The following UBE2H variants were observed in gnomAD, a reference collection of about 807,000 sequenced individuals.
The protein encoded by UBE2H is ubiquitin conjugating enzyme E2 H.
A neutral mutation model predicts 29.0 loss-of-function variants in UBE2H; 3 were observed. The observed-to-expected ratio is 0.10, with a 90% CI of 0.05 to 0.27. The LOEUF is 0.27. Ranked by LOEUF, UBE2H falls within the 10% of genes least tolerant of loss-of-function variation. The probability of loss-of-function intolerance (pLI) is 1.00; values close to 1 mark genes in which losing one functional copy is unlikely to be tolerated. For missense variants in UBE2H, 68 were observed against 228.2 expected (o/e 0.30, Z 4.52); for synonymous variants, 69 against 82.9 (o/e 0.83, Z 0.91).
At chr7:129,932,689 G>T (rs1191894406) in intron 1 of UBE2H, among the ~76,000 whole-genome samples, 1 of 148,532 alleles carries the variant, frequency 6.7e-6, no homozygotes, top group Non-Finnish European at 1.5e-5. Flanking sequence ...CAGAAGAATT[G>T]CCTGAACCCG....
chr7:129,920,560 T>A (rs1807136967), intron 1 of UBE2H, among the ~76,000 whole-genome samples: 1 of 152,048 alleles, frequency 6.6e-6, no homozygotes. Flanking sequence ...AATGTATATT[T>A]ATATAAACAT....
Position 129,952,685 on chromosome 7 carries a change from G to C in UBE2H, c.-130C>G. ...ACACCCCCGCGGTCCCGGCGGTCCC[G>C]TCAGCCGCCGCCGCCGCCCCCCGCA... On this transcript the variant is annotated 5_prime_UTR_variant, in exon 1 of 7. Transcript: ENST00000355621. The C allele has an allele frequency of 9.4e-7, 1 of 1,060,780 alleles. No individual in the cohort carries two copies. Among genetic ancestry groups the C allele is most frequent in the Non-Finnish European group, 1.3e-6 (1 of 797,656 alleles). The allele number at this position is 1,060,780 out of a possible 1,614,324, so 65.7% of individuals were successfully genotyped here. A position where few individuals can be genotyped will look rare whatever the true frequency, so the allele number is the denominator to read the frequency against.
At chr7:129,862,376 T>C (rs1353206342) in intron 3 of UBE2H, among the ~76,000 whole-genome samples, 1 of 152,192 alleles carries the variant, frequency 6.6e-6, no homozygotes, top group East Asian at 1.9e-4. Flanking sequence ...AGTTTTCATT[T>C]AAACTAAAAC....
At chr7:129,927,597 T>C (rs1267422957) in intron 1 of UBE2H, among the ~76,000 whole-genome samples, 2 of 152,186 alleles carry the variant, frequency 1.3e-5, no homozygotes, top group East Asian at 3.9e-4. Flanking sequence ...AAATGTGGTA[T>C]GTAATACACT....
intron 3 of UBE2H, among the ~76,000 whole-genome samples, chr7:129,867,037 T>C (rs1805917864): frequency 6.6e-6 from 1 of 152,236 alleles, no homozygotes; most frequent in East Asian, 1.9e-4. Context: ...ATTTACCCTA[T>C]GTGTCCATCT....
chr7:129,840,161 C>T (rs1344962447), intron 5 of UBE2H, among the ~76,000 whole-genome samples: 2 of 152,080 alleles, frequency 1.3e-5, no homozygotes, highest in East Asian at 3.8e-4. Flanking sequence ...GACAGATAAG[C>T]ACCAATCTAC....
chr7:129,836,424 TGA>T (rs1215909515), intron 6 of UBE2H, among the ~76,000 whole-genome samples: 1 of 152,182 alleles, frequency 6.6e-6, no homozygotes, highest in African/African-American at 2.4e-5. Context: ...AAGGAGCTGC[TGA>T]GTGTCACCAG....
intron 5 of UBE2H, among the ~76,000 whole-genome samples, chr7:129,840,349 G>C (rs774440051): frequency 2.6e-5 from 4 of 151,804 alleles, no homozygotes; most frequent in African/African-American, 7.3e-5. Flanking sequence ...ACCATACCCA[G>C]CTAATTTTTT....
chr7:129,941,105 C>T (rs1227154583), intron 1 of UBE2H, among the ~76,000 whole-genome samples: 1 of 152,206 alleles, frequency 6.6e-6, no homozygotes, highest in East Asian at 1.9e-4. Flanking sequence ...CAGGCGCAAG[C>T]CACCACGCCC....
chr7:129,935,461 A>G (rs1807509078), intron 1 of UBE2H, among the ~76,000 whole-genome samples: 2 of 152,040 alleles, frequency 1.3e-5, no homozygotes, highest in Non-Finnish European at 2.9e-5. Flanking sequence ...AGGTAATTAA[A>G]TACATAAAAC....
chr7:129,910,812 G>A (rs939220849), intron 1 of UBE2H, among the ~76,000 whole-genome samples: 1 of 152,164 alleles, frequency 6.6e-6, no homozygotes, highest in African/African-American at 2.4e-5. Context: ...AACCCGGGAA[G>A]CGGAGGTTGC....
At chr7:129,892,048 G>T (rs1370924457) in intron 1 of UBE2H, among the ~76,000 whole-genome samples, 1 of 149,852 alleles carries the variant, frequency 6.7e-6, no homozygotes, top group Admixed American at 6.7e-5. Context: ...CGCCTCCCAG[G>T]TTCACGCCAT....
chr7:129,842,887 G>T (rs1805451234), intron 5 of UBE2H, among the ~76,000 whole-genome samples: 1 of 151,296 alleles, frequency 6.6e-6, no homozygotes, highest in Non-Finnish European at 1.5e-5. Flanking sequence ...TGTGCAACAA[G>T]AGCAAAACTC....
intron 1 of UBE2H, among the ~76,000 whole-genome samples, chr7:129,922,371 T>C (rs747850419): frequency 5.9e-5 from 9 of 152,064 alleles, no homozygotes; most frequent in Non-Finnish European, 1.0e-4. Context: ...CTGTAACCTC[T>C]GCCTCTTGGG....
At position 129,896,639 on chromosome 7, in the gene UBE2H, G is replaced by A. The variant is rs76823656; in HGVS notation, c.54-15668C>T. Among the ~76,000 whole-genome samples the A allele has an allele frequency of 3.3e-3, 506 of 152,146 alleles. 1 individual carries two copies. The highest frequency in any genetic ancestry group is 0.011 in the African/African-American group (472 of 41,506). On this transcript the variant is annotated intron_variant, in intron 1 of 6. Transcript: ENST00000355621. Reference sequence around the variant, plus strand: ...AGACTAGTCTCAATCTACTGGTCTCGAGTGATCCTTCTACCTCAGGCTCCC... The same window carrying A: ...AGACTAGTCTCAATCTACTGGTCTCAAGTGATCCTTCTACCTCAGGCTCCC...
In UBE2H at chr7:129,952,538, C is replaced by T. The variant is rs779819430; in HGVS notation, c.18G>A (p.Pro6=). 4 of 1,612,904 alleles carry T rather than the reference C, an allele frequency of 2.5e-6. No homozygotes were observed. The highest frequency in any genetic ancestry group is 3.3e-4 in the Middle Eastern group (2 of 6,058). MSSPS[P]GKRRMDTDVV... ...CGTCCGTGTCCATCCGCCTCTTGCC[C>T]GGACTGGGAGATGACATGGTGTCGC... The change falls in exon 1 of 7, where the codon CCG becomes CCA. Residue 6 remains proline (P), a synonymous_variant. Transcript: ENST00000355621.
At chr7:129,879,705 G>T in intron 2 of UBE2H, 63 bp from the exon 3 acceptor site, 1 of 1,458,038 alleles carries the variant, frequency 6.9e-7, no homozygotes, top group Non-Finnish European at 9.5e-7. Context: ...AAATCTGAGT[G>T]TAAATTAAAC....
intron 1 of UBE2H, among the ~76,000 whole-genome samples, chr7:129,916,280 A>G (rs1417311614): frequency 6.6e-6 from 1 of 152,176 alleles, no homozygotes; most frequent in African/African-American, 2.4e-5. Context: ...AAACAGGAAA[A>G]CAGTTTCCAG....
At chr7:129,925,348 A>G (rs1006458424) in intron 1 of UBE2H, among the ~76,000 whole-genome samples, 2 of 147,684 alleles carry the variant, frequency 1.4e-5, no homozygotes, top group Non-Finnish European at 3.0e-5. Context: ...CTCAGTCTCG[A>G]AAAAAAAAAG....
Sources: allele counts gnomAD v4.1 joint callset (sites outside exome capture counted in the v4.1 genomes callset), GRCh38; gene constraint gnomAD v4.1.1; transcripts MANE v1.5; gene names NCBI Gene and HGNC (gene_info 2026-07-23, HGNC 2026-07-21).